The following OXCT1 variants were observed in gnomAD, a reference collection of about 807,000 sequenced individuals.
The protein encoded by OXCT1 is 3-oxoacid CoA-transferase 1.
In OXCT1, 27 loss-of-function variants were observed where a neutral mutation model predicts 69.6. The ratio of observed to expected loss-of-function variants is 0.39; its 90% confidence interval spans 0.29 to 0.54. The LOEUF (loss-of-function observed/expected upper bound fraction) is 0.54. Among genes scored for constraint, OXCT1 ranks in the 20% least tolerant of loss-of-function variants. OXCT1 has a pLI of 0.72. For missense variants in OXCT1, 437 were observed against 650.2 expected (o/e 0.67, Z 3.57); for synonymous variants, 202 against 217.8 (o/e 0.93, Z 0.64).
chr5:41,863,628 AG>A (rs1419540424), intron 1 of OXCT1, among the ~76,000 whole-genome samples: 4 of 152,188 alleles, frequency 2.6e-5, no homozygotes, highest in Admixed American at 2.6e-4. Context: ...CATAAGGGAA[AG>A]TTCTAACTCC....
Position 41,739,384 on chromosome 5 carries a change from A to G in OXCT1, c.1521+6T>C. Reference sequence around the variant, plus strand: ...AGTGTCTGGATTTGTTCACAGAAATACTTACTGCAAAATCACACCCAGTAC... The same window carrying G: ...AGTGTCTGGATTTGTTCACAGAAATGCTTACTGCAAAATCACACCCAGTAC... On this transcript the variant is annotated splice_donor_region_variant and intron_variant, in intron 16 of 16. Transcript: ENST00000196371. 1 of 1,575,734 alleles carries G rather than the reference A, an allele frequency of 6.3e-7. No individual in the cohort carries two copies. Among genetic ancestry groups the G allele is most frequent in the Non-Finnish European group, 8.7e-7 (1 of 1,145,104 alleles).
chr5:41,860,431 G>A (rs1749679468), intron 3 of OXCT1, among the ~76,000 whole-genome samples: 1 of 152,126 alleles, frequency 6.6e-6, no homozygotes, highest in Admixed American at 6.5e-5. Flanking sequence ...ATTGGATAAG[G>A]ATACTTTGAG....
chr5:41,859,864 A>AATATATATATATATATTATAT (rs1749634621), intron 3 of OXCT1, among the ~76,000 whole-genome samples: 7 of 120,116 alleles, frequency 5.8e-5, no homozygotes, highest in African/African-American at 2.1e-4. Context: ...CTAGTATAGT[A>AATATATATATATATATTATAT]ATATATATAT....
At chr5:41,767,014 G>T (rs1455990701) in intron 13 of OXCT1, among the ~76,000 whole-genome samples, 1 of 152,006 alleles carries the variant, frequency 6.6e-6, no homozygotes, top group Non-Finnish European at 1.5e-5. Flanking sequence ...CTTTATATCT[G>T]TCTTCCCCAT....
intron 14 of OXCT1, among the ~76,000 whole-genome samples, chr5:41,761,014 C>A (rs1451206508): frequency 6.6e-6 from 1 of 152,002 alleles, no homozygotes; most frequent in South Asian, 2.1e-4. Context: ...ACTGTCATTT[C>A]CACTCAGATT....
At chr5:41,749,685 C>T (rs1388764128) in intron 14 of OXCT1, 78 bp from the exon 15 acceptor site, 15 of 840,710 alleles carry the variant, frequency 1.8e-5, no homozygotes, top group Middle Eastern at 2.7e-4. Context: ...ATAGGATAAA[C>T]AGAAACTATC....
chr5:41,832,427 ATTC>A (rs1748143856), intron 7 of OXCT1, among the ~76,000 whole-genome samples: 1 of 152,164 alleles, frequency 6.6e-6, no homozygotes, highest in Non-Finnish European at 1.5e-5. Context: ...AACCCAGAAA[ATTC>A]TTCTGGATAT....
intron 11 of OXCT1, among the ~76,000 whole-genome samples, chr5:41,797,081 AAGG>A (rs1746218595): frequency 6.6e-6 from 1 of 152,236 alleles, no homozygotes; most frequent in Admixed American, 6.5e-5. Context: ...GTGGGAAGTC[AAGG>A]AGGAGGAATT....
At chr5:41,814,838 C>A (rs1194458710) in intron 7 of OXCT1, among the ~76,000 whole-genome samples, 2 of 151,672 alleles carry the variant, frequency 1.3e-5, no homozygotes, top group Admixed American at 1.3e-4. Context: ...AACTAACCTG[C>A]ACATTGTGCA....
intron 16 of OXCT1, among the ~76,000 whole-genome samples, chr5:41,738,049 C>A (rs373311381): frequency 3.3e-5 from 5 of 151,134 alleles, no homozygotes; most frequent in Non-Finnish European, 5.9e-5. Flanking sequence ...AACAAGACTC[C>A]GTCTTAAAAA....
At chr5:41,798,412 G>C (rs970327437) in intron 11 of OXCT1, among the ~76,000 whole-genome samples, 1 of 152,136 alleles carries the variant, frequency 6.6e-6, no homozygotes, top group African/African-American at 2.4e-5. Flanking sequence ...AACTCCAGCG[G>C]ATAGGGAAAC....
intron 15 of OXCT1, among the ~76,000 whole-genome samples, chr5:41,740,077 C>A (rs186019449): frequency 1.8e-4 from 28 of 152,220 alleles, no homozygotes; most frequent in African/African-American, 6.5e-4. Context: ...TTTTTAAAAA[C>A]TACCTCCCTT....
chr5:41,783,664 A>C (rs1471830615), intron 13 of OXCT1, among the ~76,000 whole-genome samples: 1 of 152,240 alleles, frequency 6.6e-6, no homozygotes, highest in Non-Finnish European at 1.5e-5. Context: ...TATGCAAAGA[A>C]GTCTGCCTTT....
At chr5:41,848,597 T>C (rs945581373) in intron 5 of OXCT1, among the ~76,000 whole-genome samples, 7 of 148,488 alleles carry the variant, frequency 4.7e-5, no homozygotes, top group African/African-American at 1.7e-4. Flanking sequence ...TATAGATCAA[T>C]GGAACAGAAC....
At chr5:41,810,574 TAG>T (rs1746926437) in intron 7 of OXCT1, among the ~76,000 whole-genome samples, 1 of 152,024 alleles carries the variant, frequency 6.6e-6, no homozygotes, top group African/African-American at 2.4e-5. Flanking sequence ...AACAGAAAAA[TAG>T]ACACTAGGAA....
chr5:41,769,512 C>T (rs889013181), intron 13 of OXCT1, among the ~76,000 whole-genome samples: 10 of 148,632 alleles, frequency 6.7e-5, no homozygotes, highest in African/African-American at 2.2e-4. Flanking sequence ...CACTTAAGCC[C>T]GGGAGTTTAA....
chr5:41,750,964 A>G (rs889418493), intron 14 of OXCT1, among the ~76,000 whole-genome samples: 4 of 152,180 alleles, frequency 2.6e-5, no homozygotes, highest in South Asian at 2.1e-4. Flanking sequence ...TGCTAAATAC[A>G]TATGAAGTAA....
chr5:41,800,340 G>C (rs1746365103), intron 11 of OXCT1, among the ~76,000 whole-genome samples: 1 of 151,640 alleles, frequency 6.6e-6, no homozygotes, highest in South Asian at 2.1e-4. Context: ...CTAGAAAATA[G>C]GAAGCATCAC....
chr5:41,760,085 A>C (rs192519991), intron 14 of OXCT1, among the ~76,000 whole-genome samples: 326 of 152,246 alleles, frequency 2.1e-3, no homozygotes, highest in African/African-American at 7.5e-3. Context: ...TCAACTTTTA[A>C]CCAAAGCAAA....
Sources: allele counts gnomAD v4.1 joint callset (sites outside exome capture counted in the v4.1 genomes callset), GRCh38; gene constraint gnomAD v4.1.1; transcripts MANE v1.5; gene names NCBI Gene and HGNC (gene_info 2026-07-23, HGNC 2026-07-21).